Variants in SLC39A11 observed in about 807,000 individuals in gnomAD.
SLC39A11 encodes zinc transporter ZIP11.
A neutral mutation model predicts 36.1 loss-of-function variants in SLC39A11; 33 were observed. The observed-to-expected ratio is 0.91, with a 90% confidence interval of 0.69 to 1.22. The LOEUF (loss-of-function observed/expected upper bound fraction) is 1.22. SLC39A11 is among the 50% of genes most tolerant of loss of function. The probability of loss-of-function intolerance (pLI) is 0.00; values close to 1 mark genes in which losing one functional copy is unlikely to be tolerated. For synonymous variants in SLC39A11, 166 were observed against 170.3 expected (o/e 0.97, Z 0.20); for missense variants, 432 against 430.3 (o/e 1.00, Z -0.03).
At chr17:72,749,374 C>T (rs780552952) in intron 6 of SLC39A11, among the ~76,000 whole-genome samples, 1 of 152,154 alleles carries the variant, frequency 6.6e-6, no homozygotes. Flanking sequence ...CCAAAGTCCA[C>T]GGCAGGCAGG....
At chr17:73,078,396 TAGGTAGGTAGGTAAGTAAGG>T (rs1194106537) in intron 3 of SLC39A11, among the ~76,000 whole-genome samples, 2 of 152,044 alleles carry the variant, frequency 1.3e-5, no homozygotes, top group Non-Finnish European at 2.9e-5. Flanking sequence ...TATAGATAGA[TAGGTAGGTAGGTAAGTAAGG>T]AGGTAGGTAG....
chr17:72,729,424 TATATATATATATATATATATATATA>T (rs1567994402), intron 7 of SLC39A11, among the ~76,000 whole-genome samples: 9 of 2,262 alleles, frequency 4.0e-3, no homozygotes, highest in Non-Finnish European at 8.5e-3. Flanking sequence ...TATATATATA[TATATATATATATATATATATATATA>T]TATATATATT....
rs1377889491 is a variant in SLC39A11, at chr17:72,729,439, ATATATATATATATATATATTTT to A, written c.671+7189_671+7210del. Reference sequence around the variant, plus strand: ...TATATATATATATATATATATATATATATATATATATATATATATTTTTTTTTTTTTTTTTTTTTGTAGAGAC... The same window carrying A: ...TATATATATATATATATATATATATATTTTTTTTTTTTTTTTTGTAGAGAC... On this transcript the variant is annotated intron_variant, in intron 7 of 9. Coordinates refer to ENST00000255559, the MANE Select transcript of SLC39A11 (RefSeq NM_139177.4). 5.1e-3 allele frequency among the ~76,000 whole-genome samples: 11 copies of A among 2,174 alleles called. 3 individuals carry two copies. Among genetic ancestry groups the A allele is most frequent in the Admixed American group, 0.033 (5 of 152 alleles). The allele number at this position is 2,174 out of a possible 152,430, so 1.4% of individuals were successfully genotyped here.
At chr17:73,015,508 C>T (rs2090756297) in intron 4 of SLC39A11, among the ~76,000 whole-genome samples, 2 of 152,154 alleles carry the variant, frequency 1.3e-5, no homozygotes, top group Admixed American at 6.5e-5. Flanking sequence ...GTATGCCATC[C>T]GATTCTCCCC....
chr17:72,889,294 C>T (rs1363086848), intron 5 of SLC39A11, among the ~76,000 whole-genome samples: 6 of 152,254 alleles, frequency 3.9e-5, no homozygotes, highest in African/African-American at 1.4e-4. Context: ...GCAGATGGAT[C>T]ACCTGAGGTC....
chr17:72,881,619 T>G (rs557421742), intron 5 of SLC39A11, among the ~76,000 whole-genome samples: 2 of 152,206 alleles, frequency 1.3e-5, no homozygotes, highest in East Asian at 3.9e-4. Flanking sequence ...AAATTTTTAT[T>G]TTTTTTTACT....
intron 7 of SLC39A11, among the ~76,000 whole-genome samples, chr17:72,655,943 G>A (rs961009543): frequency 2.0e-5 from 3 of 152,112 alleles, no homozygotes; most frequent in Admixed American, 6.5e-5. Flanking sequence ...GCAGCCTCCC[G>A]GGGGGCTGGT....
chr17:72,727,855 A>T (rs76794120), intron 7 of SLC39A11, among the ~76,000 whole-genome samples: 2 of 152,092 alleles, frequency 1.3e-5, no homozygotes, highest in Admixed American at 1.3e-4. Context: ...AAGTAACGGC[A>T]TCTGTACACC....
chr17:72,840,821 C>T (rs922800924), intron 6 of SLC39A11, among the ~76,000 whole-genome samples: 4 of 151,498 alleles, frequency 2.6e-5, no homozygotes, highest in South Asian at 2.1e-4. Context: ...TCTGGGAGGC[C>T]GAGGCAGGCA....
At chr17:72,922,842 C>T (rs1357625021) in intron 5 of SLC39A11, among the ~76,000 whole-genome samples, 1 of 151,682 alleles carries the variant, frequency 6.6e-6, no homozygotes, top group Non-Finnish European at 1.5e-5. Context: ...GTGGTGCACA[C>T]CTGTAGTCCC....
intron 6 of SLC39A11, among the ~76,000 whole-genome samples, chr17:72,754,020 GTATATATATATA>G (rs58028460): frequency 0.011 from 1,233 of 108,296 alleles, 29 homozygotes; most frequent in East Asian, 0.068. Context: ...ATGTATATAT[GTATATATATATA>G]TATATATATA....
intron 4 of SLC39A11, among the ~76,000 whole-genome samples, chr17:73,031,254 C>CGTTCTAGGTCCTACCCAGCACCCA (rs11270369): frequency 0.16 from 24,495 of 151,840 alleles, 4,238 homozygotes; most frequent in African/African-American, 0.43. Flanking sequence ...CCACAGTGAT[C>CGTTCTAGGTCCTACCCAGCACCCA]GTTCTAGGTC....
chr17:72,900,829 A>C lies in SLC39A11; in HGVS notation c.430+46923T>G, dbSNP rs184435724. On this transcript the variant is annotated intron_variant, in intron 5 of 9. Coordinates refer to ENST00000255559, the MANE Select transcript of SLC39A11 (RefSeq NM_139177.4). ...CTGGGAAAGCAGACACTAATCATGA[A>C]ACAGCAGCAATTACAGAGTTCAGCA... Among the ~76,000 whole-genome samples, 103 of 152,288 alleles carry C rather than the reference A, an allele frequency of 6.8e-4. No homozygotes were observed. In the Middle Eastern group the frequency reaches 0.024, roughly 35 times the overall value.
chr17:73,042,976 G>A (rs759600262), intron 3 of SLC39A11, among the ~76,000 whole-genome samples: 34 of 152,208 alleles, frequency 2.2e-4, no homozygotes, highest in Non-Finnish European at 4.4e-4. Context: ...GGGGTTGCAA[G>A]AGAGGAAGAA....
intron 7 of SLC39A11, among the ~76,000 whole-genome samples, chr17:72,723,223 G>GAAGT (rs1274584326): frequency 2.0e-5 from 3 of 152,242 alleles, no homozygotes; most frequent in Admixed American, 2.0e-4. Context: ...AGTCCCAGAT[G>GAAGT]CTTCATAGAG....
intron 5 of SLC39A11, among the ~76,000 whole-genome samples, chr17:72,854,331 G>C (rs2146091920): frequency 6.6e-6 from 1 of 151,876 alleles, no homozygotes; most frequent in South Asian, 2.1e-4. Context: ...GGTGGGGGTG[G>C]AGAAAAGGCT....
intron 7 of SLC39A11, among the ~76,000 whole-genome samples, chr17:72,698,066 G>C (rs547161308): frequency 6.6e-6 from 1 of 152,176 alleles, no homozygotes; most frequent in Admixed American, 6.6e-5. Context: ...TGTTCTACGC[G>C]GGCCTGGTTT....
chr17:73,005,946 G>A lies in SLC39A11; in HGVS notation c.306+25610C>T, dbSNP rs534783347. On this transcript the variant is annotated intron_variant, in intron 4 of 9. Coordinates refer to ENST00000255559, the MANE Select transcript of SLC39A11 (RefSeq NM_139177.4). ...AGCCTGGGCAACAGAGCAAGACTCC[G>A]ACTCAAAAAATAAATAAAAATAAAA... Among the ~76,000 whole-genome samples, 9 of 151,958 alleles carry A rather than the reference G, an allele frequency of 5.9e-5. No homozygotes were observed. In the East Asian group the frequency reaches 1.2e-3, roughly 20 times the overall value.
chr17:72,652,644 G>C (rs1170501779), intron 7 of SLC39A11, among the ~76,000 whole-genome samples: 1 of 152,180 alleles, frequency 6.6e-6, no homozygotes, highest in Non-Finnish European at 1.5e-5. Context: ...CTTTCCAAGA[G>C]AGACTAAGAT....
Sources: allele counts gnomAD v4.1 joint callset (sites outside exome capture counted in the v4.1 genomes callset), GRCh38; gene constraint gnomAD v4.1.1; transcripts MANE v1.5; gene names NCBI Gene and HGNC (gene_info 2026-07-23, HGNC 2026-07-21).